SEMA3A: variants seen among roughly 807,000 people sequenced by gnomAD.
SEMA3A encodes the protein semaphorin-3A.
In SEMA3A, 29 loss-of-function variants were observed where a neutral mutation model predicts 97.9. The observed-to-expected ratio is 0.30, with a 90% CI of 0.22 to 0.40. The LOEUF (loss-of-function observed/expected upper bound fraction) is 0.40. Ranked by LOEUF, SEMA3A falls within the 10% of genes least tolerant of loss-of-function variation. SEMA3A has a pLI of 1.00. For missense variants in SEMA3A, 763 were observed against 951.3 expected, an observed-to-expected ratio of 0.80 and a Z score of 2.60; for synonymous variants, 321 against 323.7, an observed-to-expected ratio of 0.99 and a Z score of 0.09.
chr7:84,427,889 C>A (rs1804870017), intron 1 of SEMA3A, among the ~76,000 whole-genome samples: 1 of 151,898 alleles, frequency 6.6e-6, no homozygotes, highest in Non-Finnish European at 1.5e-5. Context: ...TGTATTACTA[C>A]TTCCCATTGT....
chr7:84,232,116 A>G (rs932840725), intron 3 of SEMA3A, among the ~76,000 whole-genome samples: 8 of 151,534 alleles, frequency 5.3e-5, no homozygotes, highest in African/African-American at 1.5e-4. Flanking sequence ...TTTAAATAGT[A>G]ATTCAAAGAA....
intron 2 of SEMA3A, among the ~76,000 whole-genome samples, chr7:84,324,748 T>C (rs1801731952): frequency 1.3e-5 from 2 of 152,096 alleles, no homozygotes; most frequent in Admixed American, 6.6e-5. Context: ...GAAAAATACA[T>C]ACCAAAATAT....
At chr7:84,024,955 T>G (rs1791495475) in intron 6 of SEMA3A, among the ~76,000 whole-genome samples, 1 of 151,820 alleles carries the variant, frequency 6.6e-6, no homozygotes, top group South Asian at 2.1e-4. Context: ...GGCATGGTGG[T>G]GGGCGCCTGT....
At chr7:84,170,839 C>T (rs1282932277) in intron 1 of SEMA3A, among the ~76,000 whole-genome samples, 2 of 152,018 alleles carry the variant, frequency 1.3e-5, no homozygotes, top group Non-Finnish European at 2.9e-5. Flanking sequence ...GAAACAATAA[C>T]ATTTTGGCTG....
At chr7:84,278,589 T>C (rs962577548) in intron 3 of SEMA3A, among the ~76,000 whole-genome samples, 2 of 152,064 alleles carry the variant, frequency 1.3e-5, no homozygotes, top group African/African-American at 4.8e-5. Flanking sequence ...ACAAGAAGCA[T>C]AGAGATATCT....
At chr7:84,179,127 C>T (rs547115579) in intron 1 of SEMA3A, among the ~76,000 whole-genome samples, 1 of 152,262 alleles carries the variant, frequency 6.6e-6, no homozygotes, top group African/African-American at 2.4e-5. Context: ...ACTTGCCTAC[C>T]TTTCCCATTG....
intron 1 of SEMA3A, among the ~76,000 whole-genome samples, chr7:84,185,692 GAAAAAA>G (rs71078810): frequency 1.3e-5 from 1 of 78,132 alleles, no homozygotes; most frequent in African/African-American, 5.4e-5. Flanking sequence ...ACTCTGGCAG[GAAAAAA>G]AAAAAAAAAA....
chr7:84,041,723 C>A (rs892285660), intron 6 of SEMA3A, among the ~76,000 whole-genome samples: 3 of 151,988 alleles, frequency 2.0e-5, no homozygotes, highest in Non-Finnish European at 4.4e-5. Flanking sequence ...TTTGTTGTTG[C>A]TGTTGTTTTA....
chr7:84,311,314 T>C (rs537450037), intron 2 of SEMA3A, among the ~76,000 whole-genome samples: 4 of 152,044 alleles, frequency 2.6e-5, no homozygotes, highest in South Asian at 4.2e-4. Flanking sequence ...CTAACAAATA[T>C]ACACTTTATG....
intron 1 of SEMA3A, among the ~76,000 whole-genome samples, chr7:84,181,467 C>A (rs1336130704): frequency 6.6e-6 from 1 of 151,682 alleles, no homozygotes; most frequent in Non-Finnish European, 1.5e-5. Context: ...CTACTCTTGG[C>A]AAAAGTAGTT....
At chr7:84,408,101 T>C (rs537530141) in intron 1 of SEMA3A, among the ~76,000 whole-genome samples, 13 of 152,068 alleles carry the variant, frequency 8.5e-5, no homozygotes, top group East Asian at 7.7e-4. Flanking sequence ...TCAGAGTGAA[T>C]AGGCAACCTA....
chr7:84,032,463 C>CATGT (rs1791795952), intron 6 of SEMA3A, among the ~76,000 whole-genome samples: 2 of 152,174 alleles, frequency 1.3e-5, no homozygotes, highest in African/African-American at 4.8e-5. Flanking sequence ...AGAAGAATAA[C>CATGT]ATGTTTAACT....
In SEMA3A at chr7:84,240,917, C is replaced by T. The variant is rs367622504; in HGVS notation, c.-82-46249G>A. ...GATGGTTTCCAGCTTCATCCACGTC[C>T]CTTCAAAGAACATGAATTCATCCTT... is the stretch of plus-strand genomic sequence containing the variant. On this transcript the variant is annotated intron_variant, in intron 3 of 3. Coordinates refer to the SEMA3A transcript ENST00000424555. 5.9e-5 allele frequency among the ~76,000 whole-genome samples: 9 copies of T among 152,264 alleles called. 1 individual carries two copies. Among genetic ancestry groups the T allele is most frequent in the Admixed American group, 1.3e-4 (2 of 15,292 alleles).
chr7:84,221,385 AC>A (rs1397082909), intron 3 of SEMA3A, among the ~76,000 whole-genome samples: 1 of 148,866 alleles, frequency 6.7e-6, no homozygotes, highest in Non-Finnish European at 1.5e-5. Context: ...CAGGAGTAGC[AC>A]TTTTGAATTT....
At chr7:84,313,208 G>C (rs888112275) in intron 2 of SEMA3A, among the ~76,000 whole-genome samples, 2 of 145,128 alleles carry the variant, frequency 1.4e-5, no homozygotes, top group Admixed American at 7.0e-5. Context: ...TGCTAGAAAA[G>C]TTCCAAATTT....
intron 2 of SEMA3A, among the ~76,000 whole-genome samples, chr7:84,335,267 T>C (rs1432305967): frequency 6.6e-6 from 1 of 152,180 alleles, no homozygotes; most frequent in Non-Finnish European, 1.5e-5. Flanking sequence ...GGTATAATAA[T>C]GGACTACACT....
chr7:84,211,304 G>T (rs1584129551), intron 3 of SEMA3A, among the ~76,000 whole-genome samples: 1 of 152,148 alleles, frequency 6.6e-6, no homozygotes, highest in East Asian at 1.9e-4. Flanking sequence ...GGAGGATAAA[G>T]AAGTGGGATT....
chr7:84,376,540 C>A (rs1434620672), intron 1 of SEMA3A, among the ~76,000 whole-genome samples: 1 of 99,996 alleles, frequency 1.0e-5, no homozygotes, highest in Non-Finnish European at 2.0e-5. Flanking sequence ...GGAGGCGGAG[C>A]TTGCAGTGAG....
At chr7:84,039,903 T>C (rs1792073916) in intron 6 of SEMA3A, among the ~76,000 whole-genome samples, 1 of 152,054 alleles carries the variant, frequency 6.6e-6, no homozygotes, top group South Asian at 2.1e-4. Flanking sequence ...AAAATAAATA[T>C]GAGAAAATAT....
Sources: allele counts gnomAD v4.1 joint callset (sites outside exome capture counted in the v4.1 genomes callset), GRCh38; gene constraint gnomAD v4.1.1; transcripts MANE v1.5; gene names NCBI Gene and HGNC (gene_info 2026-07-23, HGNC 2026-07-21).